COL4A2: variants seen among roughly 807,000 people sequenced by gnomAD.
The protein encoded by COL4A2 is collagen type IV alpha 2 chain.
COL4A2 carries 99 observed loss-of-function variants against 200.2 expected under a neutral mutation model. The ratio of observed to expected loss-of-function variants is 0.49; its 90% confidence interval spans 0.42 to 0.58. The LOEUF (loss-of-function observed/expected upper bound fraction) is 0.58, where lower values mean the gene tolerates loss of function less well. Ranked by LOEUF, COL4A2 falls within the 20% of genes least tolerant of loss-of-function variation. The pLI, the probability that COL4A2 is intolerant of heterozygous loss-of-function variation, is 0.00. For synonymous variants in COL4A2, 897 were observed against 900.6 expected, an observed-to-expected ratio of 1.00 and a Z score of 0.07; for missense variants, 1,950 against 2,314.1, an observed-to-expected ratio of 0.84 and a Z score of 3.23.
intron 32 of COL4A2, among the ~76,000 whole-genome samples, 183 bp from the exon 33 acceptor site, chr13:110,484,722 A>AC (rs1203136081): frequency 6.6e-6 from 1 of 151,978 alleles, no homozygotes; most frequent in East Asian, 1.9e-4. Context: ...CCCTGGAGCC[A>AC]CCCCCAACTC....
At chr13:110,374,121 G>A (rs1878134361) in intron 4 of COL4A2, among the ~76,000 whole-genome samples, 1 of 152,116 alleles carries the variant, frequency 6.6e-6, no homozygotes, top group African/African-American at 2.4e-5. Flanking sequence ...GGCCCGTTGG[G>A]TCAGCATGCA....
intron 3 of COL4A2, among the ~76,000 whole-genome samples, chr13:110,316,197 C>T (rs1258977848): frequency 6.6e-6 from 1 of 152,094 alleles, no homozygotes; most frequent in Non-Finnish European, 1.5e-5. Context: ...TTATCTGGTA[C>T]CTGGTGGTAA....
intron 4 of COL4A2, among the ~76,000 whole-genome samples, chr13:110,365,388 G>A (rs1877700797): frequency 6.6e-6 from 1 of 152,166 alleles, no homozygotes; most frequent in Non-Finnish European, 1.5e-5. Context: ...TGATTCACCT[G>A]CCTCGGCCTC....
chr13:110,337,764 G>T (rs1185329762), intron 3 of COL4A2, among the ~76,000 whole-genome samples: 2 of 152,236 alleles, frequency 1.3e-5, no homozygotes, highest in Non-Finnish European at 2.9e-5. Context: ...AGCAGGTTCT[G>T]CTGTGTGTGT....
chr13:110,363,493 A>G (rs1367017501), intron 4 of COL4A2, among the ~76,000 whole-genome samples: 1 of 152,182 alleles, frequency 6.6e-6, no homozygotes, highest in Non-Finnish European at 1.5e-5. Flanking sequence ...CCAAGAGAAG[A>G]GGGAACGAGT....
intron 4 of COL4A2, among the ~76,000 whole-genome samples, chr13:110,412,449 C>A (rs1413680349): frequency 6.6e-6 from 1 of 152,178 alleles, no homozygotes; most frequent in Non-Finnish European, 1.5e-5. Context: ...CAGAACTGCA[C>A]GTCACTCCGA....
At chr13:110,471,910 G>T (rs1882483908) in intron 28 of COL4A2, among the ~76,000 whole-genome samples, 1 of 152,076 alleles carries the variant, frequency 6.6e-6, no homozygotes, top group Admixed American at 6.5e-5. Flanking sequence ...GCACAGCGGG[G>T]GTGGTGGTGA....
At position 110,320,014 on chromosome 13, in the gene COL4A2, C is replaced by G. The variant is rs1157573403; in HGVS notation, c.99+11891C>G. Among the ~76,000 whole-genome samples, 3 of 152,178 alleles carry G rather than the reference C, an allele frequency of 2.0e-5. No homozygotes were observed. In the East Asian group the frequency reaches 5.8e-4, roughly 29 times the overall value. On this transcript the variant is annotated intron_variant, in intron 3 of 47. Transcript: ENST00000360467. The stretch of plus-strand genomic sequence containing the variant: ...AGACATCAGGTTTTGTGGTGGTTAC[C>G]CACATCAAGGCGCCAGAGGTTGGAA...
At chr13:110,350,389 TAA>T (rs1352825853) in intron 3 of COL4A2, among the ~76,000 whole-genome samples, 5 of 152,084 alleles carry the variant, frequency 3.3e-5, no homozygotes. Flanking sequence ...TTAAAAAAAT[TAA>T]AAGAGAGAAC....
At chr13:110,371,694 A>G (rs991184837) in intron 4 of COL4A2, among the ~76,000 whole-genome samples, 2 of 152,190 alleles carry the variant, frequency 1.3e-5, no homozygotes, top group Non-Finnish European at 1.5e-5. Context: ...CTCTCCACGT[A>G]GCTCTGCTGT....
chr13:110,310,861 G>A (rs1884958536), intron 3 of COL4A2, among the ~76,000 whole-genome samples: 1 of 152,204 alleles, frequency 6.6e-6, no homozygotes. Context: ...GATGAGCTAG[G>A]TAACTATTAT....
At chr13:110,464,288 A>G (rs9559807) in intron 24 of COL4A2, among the ~76,000 whole-genome samples, 88,259 of 151,694 alleles carry the variant, frequency 0.58, 26,359 homozygotes, top group Middle Eastern at 0.73. Context: ...GGTGAGGGTT[A>G]GGGTCAGGGA....
intron 34 of COL4A2, among the ~76,000 whole-genome samples, chr13:110,486,750 G>T (rs1409670982): frequency 1.3e-5 from 2 of 151,938 alleles, no homozygotes; most frequent in Non-Finnish European, 2.9e-5. Context: ...GTAGGTAAAG[G>T]AAAAAGGGGG....
chr13:110,320,944 C>T (rs1360714419), intron 3 of COL4A2, among the ~76,000 whole-genome samples: 1 of 152,128 alleles, frequency 6.6e-6, no homozygotes, highest in Non-Finnish European at 1.5e-5. Context: ...AGGCCTGTTT[C>T]ATGGGCTTTT....
intron 4 of COL4A2, among the ~76,000 whole-genome samples, chr13:110,399,345 C>G (rs1403655925): frequency 6.6e-6 from 1 of 152,144 alleles, no homozygotes; most frequent in Non-Finnish European, 1.5e-5. Flanking sequence ...ACCAGAGAAC[C>G]TTGATGGCCA....
chr13:110,457,314 A>G (rs772075481), intron 20 of COL4A2, 29 bp from the exon 21 acceptor site: 30 of 1,476,144 alleles, frequency 2.0e-5, no homozygotes, highest in African/African-American at 2.8e-5. Flanking sequence ...CGTGGGGCTC[A>G]TGCCCTGCAT....
At chr13:110,495,311 G>C (rs752541402) in intron 39 of COL4A2, 31 bp from the exon 40 acceptor site, 1 of 1,613,530 alleles carries the variant, frequency 6.2e-7, no homozygotes, top group Non-Finnish European at 8.5e-7. Context: ...TGGAAACACC[G>C]ACATCAGCTG....
intron 3 of COL4A2, among the ~76,000 whole-genome samples, chr13:110,316,846 T>C (rs950726534): frequency 6.6e-5 from 10 of 151,986 alleles, no homozygotes; most frequent in Non-Finnish European, 1.3e-4. Context: ...AGCCACAGAA[T>C]ATATATACAC....
intron 4 of COL4A2, among the ~76,000 whole-genome samples, chr13:110,366,225 G>A (rs1877745842): frequency 6.6e-6 from 1 of 152,176 alleles, no homozygotes; most frequent in South Asian, 2.1e-4. Flanking sequence ...CCAGACCATA[G>A]TAGTTACCAG....
Sources: allele counts gnomAD v4.1 joint callset (sites outside exome capture counted in the v4.1 genomes callset), GRCh38; gene constraint gnomAD v4.1.1; transcripts MANE v1.5; gene names NCBI Gene and HGNC (gene_info 2026-07-23, HGNC 2026-07-21).